The following RHOBTB1 variants were observed in gnomAD, a reference collection of about 807,000 sequenced individuals.
RHOBTB1 encodes Rho related BTB domain containing 1, also known as rho-related BTB domain-containing protein 1.
A neutral mutation model predicts 71.6 loss-of-function variants in RHOBTB1; 40 were observed. That is an observed-to-expected ratio of 0.56 (90% CI 0.43 to 0.73). RHOBTB1 has a LOEUF of 0.73. Ranked by LOEUF, RHOBTB1 falls within the 30% of genes least tolerant of loss-of-function variation. The pLI, the probability that RHOBTB1 is intolerant of heterozygous loss-of-function variation, is 0.00. For synonymous variants in RHOBTB1, 319 were observed against 334.9 expected (o/e 0.95, Z 0.52); for missense variants, 797 against 894.0 (o/e 0.89, Z 1.38).
chr10:60,902,973 T>C (rs1348418513), intron 4 of RHOBTB1, among the ~76,000 whole-genome samples: 2 of 152,024 alleles, frequency 1.3e-5, no homozygotes, highest in South Asian at 2.1e-4. Context: ...ACTAGGATAA[T>C]AGGATAAGGG....
At chr10:60,924,422 TATA>T (rs757778830) in intron 2 of RHOBTB1, among the ~76,000 whole-genome samples, 6 of 152,148 alleles carry the variant, frequency 3.9e-5, no homozygotes, top group Non-Finnish European at 8.8e-5. Context: ...AGAAGGTCAT[TATA>T]TAATGACAAA....
intron 2 of RHOBTB1, among the ~76,000 whole-genome samples, chr10:60,931,041 C>T (rs189060565): frequency 4.9e-4 from 74 of 152,090 alleles, no homozygotes; most frequent in Admixed American, 4.7e-3. Flanking sequence ...AAAAACAAAA[C>T]AAACTGAAAG....
chr10:60,901,484 C>A (rs1011489399), intron 4 of RHOBTB1, among the ~76,000 whole-genome samples: 4 of 152,124 alleles, frequency 2.6e-5, no homozygotes, highest in Non-Finnish European at 4.4e-5. Context: ...ATCAAGAGAT[C>A]CTTTCCTTTT....
chr10:60,951,472 T>G (rs1381206684), intron 2 of RHOBTB1, among the ~76,000 whole-genome samples: 1 of 152,214 alleles, frequency 6.6e-6, no homozygotes. Flanking sequence ...TGACCTAAAT[T>G]TATCATTTGG....
rs145800355 is a variant in RHOBTB1, at chr10:60,950,735, G to A, written c.-61-8881C>T. 1.5e-3 allele frequency among the ~76,000 whole-genome samples: 229 copies of A among 152,242 alleles called. 1 individual carries two copies. Among genetic ancestry groups the A allele is most frequent in the African/African-American group, 5.2e-3 (216 of 41,538 alleles). ...TATACCTACTCATAAGTGTAAAAAC[G>A]GGCTCATTATGAGGCCCCTTAAACA... On this transcript the variant is annotated intron_variant, in intron 2 of 11. Coordinates refer to the RHOBTB1 transcript ENST00000357917.
chr10:60,994,016 TG>T (rs2086959284), intron 1 of RHOBTB1, among the ~76,000 whole-genome samples: 1 of 152,134 alleles, frequency 6.6e-6, no homozygotes, highest in African/African-American at 2.4e-5. Flanking sequence ...AAATTTTCAC[TG>T]GGGAGGAGTT....
chr10:60,993,740 C>A (rs1191979454), intron 1 of RHOBTB1, among the ~76,000 whole-genome samples: 1 of 151,664 alleles, frequency 6.6e-6, no homozygotes, highest in African/African-American at 2.4e-5. Flanking sequence ...TCCTTTCCAG[C>A]ATATAAATAA....
At chr10:60,917,856 C>T (rs2083350497) in intron 2 of RHOBTB1, among the ~76,000 whole-genome samples, 2 of 152,202 alleles carry the variant, frequency 1.3e-5, no homozygotes, top group Admixed American at 1.3e-4. Flanking sequence ...AAACCTTACT[C>T]AGACATCACC....
At position 60,888,541 on chromosome 10, in the gene RHOBTB1, T is replaced by G. The variant is rs749667833; in HGVS notation, c.1127A>C (p.Lys376Thr). ...PETQTLTGWSKGFIGMHREMQ... is the reference protein window; with the variant it reads ...PETQTLTGWSTGFIGMHREMQ... ...TTCCCTGTGCATGCCAATGAACCCC[T>G]TACTCCATCCGGTCAAAGTCTGTGT... The change falls in exon 6 of 11, where the codon AAG (lysine) becomes ACG (threonine). Residue 376 changes from lysine to threonine, a missense_variant. By Grantham distance (78) the Lys-to-Thr change is moderately conservative. Coordinates refer to ENST00000337910, the MANE Select transcript of RHOBTB1 (RefSeq NM_014836.5). 1 of 1,614,192 alleles carries G rather than the reference T, an allele frequency of 6.2e-7. No homozygotes were observed.
At chr10:60,977,720 G>A (rs927700690) in intron 2 of RHOBTB1, among the ~76,000 whole-genome samples, 11 of 152,078 alleles carry the variant, frequency 7.2e-5, no homozygotes, top group Admixed American at 1.3e-4. Flanking sequence ...GTGAAAAAGG[G>A]ATGGTTGATT....
At chr10:60,919,500 G>C (rs370893421) in intron 2 of RHOBTB1, among the ~76,000 whole-genome samples, 39 of 152,272 alleles carry the variant, frequency 2.6e-4, no homozygotes, top group Admixed American at 1.6e-3. Flanking sequence ...ACCCAGAGCC[G>C]GGAAAGAGAT....
intron 1 of RHOBTB1, among the ~76,000 whole-genome samples, chr10:60,988,863 T>A (rs2086762083): frequency 6.6e-6 from 1 of 152,190 alleles, no homozygotes; most frequent in South Asian, 2.1e-4. Flanking sequence ...AAACCAAGGA[T>A]CCTTAATTGT....
chr10:60,959,064 C>T (rs535873399), intron 2 of RHOBTB1, among the ~76,000 whole-genome samples: 15 of 152,158 alleles, frequency 9.9e-5, no homozygotes, highest in Non-Finnish European at 8.8e-5. Flanking sequence ...AAAGTTGCCT[C>T]AACGTTCAAA....
At chr10:60,968,762 A>G (rs2086056220) in intron 2 of RHOBTB1, among the ~76,000 whole-genome samples, 1 of 152,158 alleles carries the variant, frequency 6.6e-6, no homozygotes, top group Admixed American at 6.5e-5. Context: ...TTTCCCTGAA[A>G]GAGTTACTAG....
At chr10:60,993,300 A>G (rs2086932664) in intron 1 of RHOBTB1, among the ~76,000 whole-genome samples, 1 of 152,242 alleles carries the variant, frequency 6.6e-6, no homozygotes, top group Non-Finnish European at 1.5e-5. Context: ...GTCATTTTAA[A>G]GCATTTTTTA....
At chr10:60,989,999 T>C (rs980879365) in intron 1 of RHOBTB1, among the ~76,000 whole-genome samples, 61 of 147,716 alleles carry the variant, frequency 4.1e-4, no homozygotes, top group African/African-American at 1.4e-3. Flanking sequence ...TTTTTTTTTT[T>C]TGAGATGGAG....
At chr10:60,903,960 C>A (rs994476048) in intron 4 of RHOBTB1, among the ~76,000 whole-genome samples, 19 of 151,858 alleles carry the variant, frequency 1.3e-4, no homozygotes, top group Admixed American at 7.2e-4. Context: ...AAGGATATTT[C>A]TTTTCTTTTC....
the RHOBTB1 span, among the ~76,000 whole-genome samples, chr10:60,862,181 CT>C: frequency 6.9e-6 from 1 of 144,514 alleles, no homozygotes; most frequent in East Asian, 2.0e-4. Flanking sequence ...TCTTTCTTTT[CT>C]TTTTTTTCTT....
chr10:61,001,080 G>T (rs536564233), intron 1 of RHOBTB1, among the ~76,000 whole-genome samples: 52 of 147,276 alleles, frequency 3.5e-4, no homozygotes, highest in Non-Finnish European at 3.7e-4. Context: ...GCGCGCACGC[G>T]TGTGTGTGTG....
Sources: allele counts gnomAD v4.1 joint callset (sites outside exome capture counted in the v4.1 genomes callset), GRCh38; gene constraint gnomAD v4.1.1; transcripts MANE v1.5; gene names NCBI Gene and HGNC (gene_info 2026-07-23, HGNC 2026-07-21).